TTLL7: variants seen among roughly 807,000 people sequenced by gnomAD.
The protein encoded by TTLL7 is tubulin polyglutamylase TTLL7.
TTLL7 carries 53 observed loss-of-function variants against 120.2 expected under a neutral mutation model. The observed-to-expected ratio is 0.44, with a 90% CI of 0.35 to 0.55. TTLL7 has a LOEUF of 0.55. Among genes scored for constraint, TTLL7 ranks in the 20% least tolerant of loss-of-function variants. The pLI is 0.00. For synonymous variants in TTLL7, 353 were observed against 351.7 expected (o/e 1.00, Z -0.04); for missense variants, 803 against 1,054.7 (o/e 0.76, Z 3.31).
intron 7 of TTLL7, 21 bp downstream of exon 7, chr1:83,942,442 G>T: frequency 1.3e-6 from 2 of 1,564,488 alleles, no homozygotes; most frequent in Non-Finnish European, 1.8e-6. Flanking sequence ...GAAAAGATAA[G>T]CTCTGTCTGG....
chr1:83,984,447 C>G (rs1025058356), intron 1 of TTLL7: 9 of 152,146 alleles, frequency 5.9e-5, no homozygotes, highest in African/African-American at 2.2e-4. Flanking sequence ...ATAAGTTGTT[C>G]TACCAAAAAG....
At chr1:83,931,712 C>T (rs560251455) in intron 9 of TTLL7, among the ~76,000 whole-genome samples, 1 of 152,138 alleles carries the variant, frequency 6.6e-6, no homozygotes, top group South Asian at 2.1e-4. Flanking sequence ...CTTCATACTC[C>T]ACCAAAGTTC....
intron 18 of TTLL7, among the ~76,000 whole-genome samples, chr1:83,891,278 GA>G (rs932328769): frequency 6.6e-6 from 1 of 151,472 alleles, no homozygotes; most frequent in South Asian, 2.1e-4. Flanking sequence ...ATTTTTAATA[GA>G]AAAAAAGGAC....
At position 83,952,236 on chromosome 1, in the gene TTLL7, A is replaced by C. The variant is rs1271016786; in HGVS notation, c.-25T>G. The C allele has an allele frequency of 4.3e-6, 7 of 1,613,720 alleles. No homozygotes were observed. Among genetic ancestry groups the C allele is most frequent in the Non-Finnish European group, 5.9e-6 (7 of 1,179,844 alleles). On this transcript the variant is annotated 5_prime_UTR_variant, in exon 2 of 21. Coordinates refer to ENST00000260505, the MANE Select transcript of TTLL7 (RefSeq NM_024686.6). ...TTATTGCCTGTGCTGATTAGCAAGC[A>C]GTGTGTGCTGCTGTACCAAGCTCTC... is the stretch of plus-strand genomic sequence containing the variant.
chr1:83,996,031 T>C (rs1653446929), intron 1 of TTLL7, among the ~76,000 whole-genome samples: 1 of 152,096 alleles, frequency 6.6e-6, no homozygotes, highest in Admixed American at 6.5e-5. Flanking sequence ...ATAAAAGTAA[T>C]ATAGATACCA....
At chr1:83,958,733 T>C (rs1413840331) in intron 1 of TTLL7, among the ~76,000 whole-genome samples, 1 of 152,218 alleles carries the variant, frequency 6.6e-6, no homozygotes, top group Non-Finnish European at 1.5e-5. Context: ...AACATCAAAA[T>C]TTAAAATGCT....
In TTLL7 at chr1:83,865,380, T is replaced by C. The variant is rs563761198; in HGVS notation, c.*4582A>G. ...GCTGTTAGCCTTTGAAAGAGAAATA[T>C]CAGTGTTATTTCATTACTTTTGTAA... is the stretch of plus-strand genomic sequence containing the variant. On this transcript the variant is annotated 3_prime_UTR_variant, in exon 21 of 21. Coordinates refer to ENST00000260505, the MANE Select transcript of TTLL7 (RefSeq NM_024686.6). 1.4e-4 allele frequency: 21 copies of C among 152,166 alleles called. No homozygotes were observed. Among genetic ancestry groups the C allele is most frequent in the Non-Finnish European group, 2.8e-4 (19 of 67,882 alleles). 9.4% of individuals were successfully genotyped at this position (152,166 alleles called of 1,614,324 possible).
At chr1:83,966,626 T>C (rs1455512226) in intron 1 of TTLL7, among the ~76,000 whole-genome samples, 2 of 151,450 alleles carry the variant, frequency 1.3e-5, no homozygotes, top group African/African-American at 4.9e-5. Flanking sequence ...GTATAAAGAA[T>C]AATTTACAGT....
chr1:83,952,047 C>G, intron 2 of TTLL7, 71 bp from the exon 3 acceptor site: 1 of 1,521,360 alleles, frequency 6.6e-7, no homozygotes. Flanking sequence ...CAAATACCAC[C>G]CCCACCCCAC....
At chr1:83,982,562 C>T (rs1019966311) in intron 1 of TTLL7, among the ~76,000 whole-genome samples, 1 of 151,484 alleles carries the variant, frequency 6.6e-6, no homozygotes, top group Admixed American at 6.6e-5. Context: ...TAGCCACACA[C>T]AAAAAAAATG....
Position 83,883,017 on chromosome 1 carries a change from G to T in TTLL7, c.2489C>A (p.Ala830Glu). 1 of 1,612,612 alleles carries T rather than the reference G, an allele frequency of 6.2e-7. No individual in the cohort carries two copies. Among genetic ancestry groups the T allele is most frequent in the South Asian group, 1.1e-5 (1 of 90,940 alleles). ...TGAAAGTGATCCTCTTTTGTCAGTT[G>T]CATATTTGTAAACCACTAGCAGGCA... ...KQCLLVVYKYATDKRGSLSGI... is the reference protein window; with the variant it reads ...KQCLLVVYKYETDKRGSLSGI... Residue 830 changes from alanine to glutamate, a missense_variant, in exon 20 of 21, where the codon GCA becomes GAA. This residue lies in a region of TTLL7 where 388 missense variants were observed against 450.4 expected (regional missense o/e 0.86). Coordinates refer to ENST00000260505, the MANE Select transcript of TTLL7 (RefSeq NM_024686.6).
At chr1:83,916,162 A>T (rs1483797481) in intron 14 of TTLL7, among the ~76,000 whole-genome samples, 2 of 152,218 alleles carry the variant, frequency 1.3e-5, no homozygotes, top group Non-Finnish European at 2.9e-5. Context: ...AAGGATTATA[A>T]ATCATGCTGC....
chr1:83,967,471 A>T (rs1650576203), intron 1 of TTLL7, among the ~76,000 whole-genome samples: 1 of 152,086 alleles, frequency 6.6e-6, no homozygotes, highest in Non-Finnish European at 1.5e-5. Flanking sequence ...GGATTAGCTC[A>T]GGGGGAAAGG....
intron 8 of TTLL7, among the ~76,000 whole-genome samples, chr1:83,934,138 T>C (rs775468487): frequency 6.6e-6 from 1 of 152,204 alleles, no homozygotes. Context: ...ACACAGCATA[T>C]AACAAGCTGA....
intron 13 of TTLL7, 37 bp from the exon 14 acceptor site, chr1:83,917,727 ATGGACTCTAGAATT>A (rs746049312): frequency 7.3e-7 from 1 of 1,374,788 alleles, no homozygotes; most frequent in South Asian, 1.2e-5. Flanking sequence ...ACAACCACTA[ATGGACTCTAGAATT>A]TTTCCAAGTT....
chr1:83,910,818 G>A (rs1657616553), intron 15 of TTLL7, among the ~76,000 whole-genome samples: 1 of 152,112 alleles, frequency 6.6e-6, no homozygotes, highest in Non-Finnish European at 1.5e-5. Flanking sequence ...GAAGGAAGTA[G>A]AGAGGCAGAA....
intron 1 of TTLL7, among the ~76,000 whole-genome samples, chr1:83,959,659 T>C (rs1649843320): frequency 6.6e-6 from 1 of 151,882 alleles, no homozygotes; most frequent in Non-Finnish European, 1.5e-5. Flanking sequence ...CCACCAAAAA[T>C]AATTAAACTT....
chr1:83,976,033 C>CTGTGTGTGTG (rs34596192), intron 1 of TTLL7, among the ~76,000 whole-genome samples: 7 of 147,834 alleles, frequency 4.7e-5, no homozygotes, highest in African/African-American at 1.3e-4. Flanking sequence ...TTGTCTCTCT[C>CTGTGTGTGTG]TGTGTGTGTG....
chr1:83,913,766 C>T (rs2389649), intron 14 of TTLL7, among the ~76,000 whole-genome samples: 73,375 of 151,934 alleles, frequency 0.48, 18,638 homozygotes, highest in Non-Finnish European at 0.57. Context: ...ATGAAAGGGA[C>T]TGAACAAATC....
Sources: allele counts gnomAD v4.1 joint callset (sites outside exome capture counted in the v4.1 genomes callset), GRCh38; gene constraint gnomAD v4.1.1; regional missense constraint gnomAD v4.1.1; transcripts MANE v1.5; gene names NCBI Gene and HGNC (gene_info 2026-07-23, HGNC 2026-07-21).